The following CD36 variants were observed in gnomAD, a reference collection of about 807,000 sequenced individuals.
CD36 encodes the protein CD36 molecule (CD36 blood group), also known as platelet glycoprotein 4.
In CD36, 119 loss-of-function variants were observed where a neutral mutation model predicts 55.2. The observed-to-expected ratio is 2.15, with a 90% CI of 1.86 to 2.51. The LOEUF (loss-of-function observed/expected upper bound fraction) is 2.51, where lower values mean the gene tolerates loss of function less well. Among genes scored for constraint, CD36 ranks in the 30% most tolerant of loss-of-function variants. The probability of loss-of-function intolerance (pLI) is 0.00; values close to 1 mark genes in which losing one functional copy is unlikely to be tolerated. For missense variants in CD36, 819 were observed against 555.5 expected, an observed-to-expected ratio of 1.47 and a Z score of -4.77; for synonymous variants, 186 against 193.6, an observed-to-expected ratio of 0.96 and a Z score of 0.33.
At chr7:80,602,647 T>C (rs1792304612) in intron 1 of CD36, among the ~76,000 whole-genome samples, 1 of 152,150 alleles carries the variant, frequency 6.6e-6, no homozygotes, top group South Asian at 2.1e-4. Context: ...GCCTAGTTCA[T>C]GTCTTTTACT....
At chr7:80,603,934 T>G (rs1046071545) in intron 1 of CD36, among the ~76,000 whole-genome samples, 3 of 152,148 alleles carry the variant, frequency 2.0e-5, no homozygotes, top group Non-Finnish European at 2.9e-5. Flanking sequence ...AAATTACTGA[T>G]TAAGATGACT....
At chr7:80,659,197 C>G (rs1035288119) in intron 4 of CD36, among the ~76,000 whole-genome samples, 8 of 152,258 alleles carry the variant, frequency 5.3e-5, no homozygotes, top group Non-Finnish European at 8.8e-5. Flanking sequence ...ATGTGTTGAG[C>G]TAAACATGCT....
At chr7:80,658,586 A>G (rs886225534) in intron 4 of CD36, among the ~76,000 whole-genome samples, 2 of 152,018 alleles carry the variant, frequency 1.3e-5, no homozygotes, top group Admixed American at 6.6e-5. Context: ...TCAACCTCCT[A>G]GGCTCAAGTG....
chr7:80,603,708 T>C lies in CD36; in HGVS notation c.-184+1329T>C, dbSNP rs533142741. Among the ~76,000 whole-genome samples the C allele has an allele frequency of 4.9e-3, 596 of 121,004 alleles. 5 individuals carry two copies. The highest frequency in any genetic ancestry group is 0.017 in the African/African-American group (562 of 32,242). The allele number at this position is 121,004 out of a possible 152,430, so 79.4% of individuals were successfully genotyped here. A position where few individuals can be genotyped will look rare whatever the true frequency, so the allele number is the denominator to read the frequency against. Reference sequence around the variant, plus strand: ...GTTCAAGAAAGCTAACACCTGAGGATAATAAAACAGTTTTCACCTGGGGAA... The same window carrying C: ...GTTCAAGAAAGCTAACACCTGAGGACAATAAAACAGTTTTCACCTGGGGAA... On this transcript the variant is annotated intron_variant, in intron 1 of 13. Transcript: ENST00000309881.
At chr7:80,627,960 CTATT>C (rs201250948) in intron 1 of CD36, among the ~76,000 whole-genome samples, 2 of 152,008 alleles carry the variant, frequency 1.3e-5, no homozygotes, top group East Asian at 3.9e-4. Flanking sequence ...AATAATCAAA[CTATT>C]TACCTGTTTG....
intron 7 of CD36, chr7:80,665,840 A>ACTT (rs1229053129): frequency 6.6e-6 from 1 of 152,186 alleles, no homozygotes; most frequent in Non-Finnish European, 1.5e-5. Context: ...TGTTTTTATC[A>ACTT]CTTCCAGATA....
upstream of CD36, among the ~76,000 whole-genome samples, chr7:80,636,532 CA>C (rs5885186): frequency 1.1e-3 from 138 of 124,598 alleles, no homozygotes; most frequent in Non-Finnish European, 1.1e-3. Flanking sequence ...TGATCTCTTG[CA>C]AAAAAAAAAA....
chr7:80,615,452 T>G (rs1025509714), intron 1 of CD36, among the ~76,000 whole-genome samples: 2 of 152,190 alleles, frequency 1.3e-5, no homozygotes, highest in Non-Finnish European at 2.9e-5. Context: ...CCTTTTTGCC[T>G]CTGAATTTAT....
At chr7:80,624,350 G>A (rs1014988836) in intron 1 of CD36, among the ~76,000 whole-genome samples, 4 of 152,044 alleles carry the variant, frequency 2.6e-5, no homozygotes, top group Non-Finnish European at 4.4e-5. Flanking sequence ...CTCTCAGGGC[G>A]TAGAATTTAT....
At chr7:80,626,738 A>AT (rs143542806) in intron 1 of CD36, among the ~76,000 whole-genome samples, 1 of 152,102 alleles carries the variant, frequency 6.6e-6, no homozygotes, top group African/African-American at 2.4e-5. Flanking sequence ...TGAAAAGTAC[A>AT]TTTTTGCAAT....
At chr7:80,638,935 A>T (rs888544267) in intron 1 of CD36, among the ~76,000 whole-genome samples, 189 bp downstream of exon 1, 1 of 151,990 alleles carries the variant, frequency 6.6e-6, no homozygotes, top group African/African-American at 2.4e-5. Context: ...TTTTCAAGTT[A>T]TCAACCTTCC....
At chr7:80,649,183 T>C (rs1486212449) in intron 3 of CD36, among the ~76,000 whole-genome samples, 1 of 152,104 alleles carries the variant, frequency 6.6e-6, no homozygotes, top group East Asian at 1.9e-4. Context: ...GTTGCTGTTA[T>C]TTTACTCATC....
chr7:80,625,645 G>T (rs1433866066), intron 1 of CD36, among the ~76,000 whole-genome samples: 3 of 152,020 alleles, frequency 2.0e-5, no homozygotes, highest in Admixed American at 1.3e-4. Flanking sequence ...AGACCTCAAA[G>T]AATTACTGAT....
chr7:80,634,379 TA>T (rs541884927), upstream of CD36, among the ~76,000 whole-genome samples: 499 of 152,088 alleles, frequency 3.3e-3, no homozygotes, highest in Non-Finnish European at 5.7e-3. Context: ...GCTGAACTGT[TA>T]AAAAAAATCG....
chr7:80,646,760 G>A lies in CD36; in HGVS notation c.20G>A (p.Cys7Tyr), dbSNP rs766063043. MGCDRNCGLIAGAVIGA... is the reference protein window; with the variant it reads MGCDRNYGLIAGAVIGA... ...AGAAAAATGGGCTGTGACCGGAACT[G>A]TGGGCTCATCGCTGGGGCTGTCATT... The change falls in exon 3 of 15, where the codon TGT (cysteine) becomes TAT (tyrosine). Residue 7 changes from cysteine (C) to tyrosine (Y), a missense_variant. Physicochemically the swap from Cys to Tyr is radical, Grantham distance 194 (BLOSUM62 -2). Coordinates refer to ENST00000447544, the MANE Select transcript of CD36 (RefSeq NM_001001548.3). 1.9e-6 allele frequency: 3 copies of A among 1,613,894 alleles called. No homozygotes were observed. Among genetic ancestry groups the A allele is most frequent in the African/African-American group, 1.3e-5 (1 of 74,906 alleles).
At chr7:80,673,466 T>A in intron 13 of CD36, 57 bp downstream of exon 13, 1 of 952,180 alleles carries the variant, frequency 1.1e-6, no homozygotes, top group African/African-American at 1.6e-5. Context: ...ATAAACAAGC[T>A]CTTGATGTTT....
intron 1 of CD36, among the ~76,000 whole-genome samples, chr7:80,643,946 C>G (rs750794890): frequency 4.6e-5 from 7 of 152,034 alleles, no homozygotes; most frequent in African/African-American, 1.2e-4. Context: ...AATGGGCATT[C>G]AATAAAATAT....
chr7:80,604,315 T>C (rs1005571403), intron 1 of CD36, among the ~76,000 whole-genome samples: 1 of 148,878 alleles, frequency 6.7e-6, no homozygotes, highest in Non-Finnish European at 1.5e-5. Context: ...TGTTCTGTTG[T>C]ATATAGAAGT....
intron 6 of CD36, 68 bp downstream of exon 6, chr7:80,663,237 G>A (rs1262337060): frequency 3.7e-6 from 5 of 1,342,962 alleles, no homozygotes; most frequent in Admixed American, 3.4e-5. Context: ...CATTGGCAAG[G>A]CATAATTTTA....
Sources: allele counts gnomAD v4.1 joint callset (sites outside exome capture counted in the v4.1 genomes callset), GRCh38; gene constraint gnomAD v4.1.1; transcripts MANE v1.5; gene names NCBI Gene and HGNC (gene_info 2026-07-23, HGNC 2026-07-21).